The following PCDH11X variants were observed in gnomAD, a reference collection of about 807,000 sequenced individuals.
PCDH11X encodes protocadherin 11 X-linked.
A neutral mutation model predicts 53.3 loss-of-function variants in PCDH11X; 18 were observed. The ratio of observed to expected loss-of-function variants is 0.34; its 90% CI spans 0.23 to 0.50. PCDH11X has a LOEUF of 0.50. PCDH11X is among the 20% of genes least tolerant of loss of function. The pLI, the probability that PCDH11X is intolerant of heterozygous loss-of-function variation, is 0.98. For synonymous variants in PCDH11X, 279 were observed against 393.3 expected (o/e 0.71, Z 3.44); for missense variants, 570 against 1,032.4 (o/e 0.55, Z 6.14).
At chrX:92,004,789 T>C (rs1254970374) in intron 6 of PCDH11X, among the ~76,000 whole-genome samples, 1 of 93,824 alleles carries the variant, frequency 1.1e-5, no homozygotes, top group Non-Finnish European at 2.1e-5. Context: ...TTTTTTTTTT[T>C]TTTTGAGATG....
chrX:92,473,420 T>C (rs2073310711), intron 10 of PCDH11X, among the ~76,000 whole-genome samples: 1 of 112,038 alleles, frequency 8.9e-6, no homozygotes, highest in African/African-American at 3.2e-5. Context: ...CATTGATCTT[T>C]TGTATTGATT....
At position 92,393,790 on chromosome X, in the gene PCDH11X, G is replaced by T. The variant is rs79667772; in HGVS notation, c.3343+5857G>T. On this transcript the variant is annotated intron_variant, in intron 9 of 10. Coordinates refer to ENST00000682573, the MANE Select transcript of PCDH11X (RefSeq NM_032968.5). ...GTTCCACCCAAGAGTTCAGCCATCT[G>T]CCATTGTTTTAGAGAGAATAAGGTA... 2.7e-3 allele frequency among the ~76,000 whole-genome samples: 293 copies of T among 110,456 alleles called. 7 individuals are homozygous for T. In the East Asian group the frequency reaches 0.052, roughly 20 times the overall value.
chrX:92,272,204 C>A (rs1025308767), intron 8 of PCDH11X, among the ~76,000 whole-genome samples: 1 of 111,644 alleles, frequency 9.0e-6, no homozygotes, highest in Non-Finnish European at 1.9e-5. Flanking sequence ...TAAAGTTAGC[C>A]GGGGTTGCTG....
chrX:92,333,466 A>C (rs763502691), intron 8 of PCDH11X, among the ~76,000 whole-genome samples: 1 of 111,669 alleles, frequency 9.0e-6, no homozygotes, highest in South Asian at 3.7e-4. Flanking sequence ...TCAATTTCCC[A>C]AAAATTGCTT....
chrX:91,848,896 T>C (rs1319005116), intron 5 of PCDH11X, among the ~76,000 whole-genome samples: 1 of 111,049 alleles, frequency 9.0e-6, no homozygotes. Flanking sequence ...AATTCAACTA[T>C]GCATATCAGG....
chrX:92,259,564 C>A (rs994657346), intron 7 of PCDH11X, among the ~76,000 whole-genome samples: 17 of 111,704 alleles, frequency 1.5e-4, no homozygotes, highest in Non-Finnish European at 3.0e-4. Flanking sequence ...TTCACAAGAA[C>A]GCCATTTCCA....
chrX:92,428,807 C>G (rs763865632), intron 9 of PCDH11X, among the ~76,000 whole-genome samples: 1 of 111,069 alleles, frequency 9.0e-6, no homozygotes, highest in East Asian at 2.8e-4. Context: ...ATTTCACCAT[C>G]TCTTCAGAGC....
intron 8 of PCDH11X, among the ~76,000 whole-genome samples, chrX:92,354,426 T>C (rs1251113974): frequency 9.2e-6 from 1 of 108,437 alleles, no homozygotes; most frequent in African/African-American, 3.4e-5. Context: ...AGCTTTTGCC[T>C]TGAGTAAATG....
In PCDH11X at chrX:92,559,607, G is replaced by A. The variant is rs555896777; in HGVS notation, c.3368-58657G>A. 8.1e-4 allele frequency among the ~76,000 whole-genome samples: 90 copies of A among 111,558 alleles called. No individual in the cohort carries two copies. The South Asian group carries it at 0.011, about 13-fold the overall frequency. ...GCCACCTCTCCTTCATCTAATAGCAGAGGTCTTGTGGTGCAGAAAGAGAAA... is the reference window on the plus strand; with the variant it reads ...GCCACCTCTCCTTCATCTAATAGCAAAGGTCTTGTGGTGCAGAAAGAGAAA... On this transcript the variant is annotated intron_variant, in intron 10 of 10. Transcript: ENST00000682573.
intron 9 of PCDH11X, among the ~76,000 whole-genome samples, chrX:92,426,859 G>A (rs1314467603): frequency 3.6e-5 from 4 of 110,867 alleles, no homozygotes; most frequent in African/African-American, 1.3e-4. Flanking sequence ...TAGCAATTTA[G>A]ATGCAAAGTA....
chrX:92,067,342 A>T (rs1358559113), intron 6 of PCDH11X, among the ~76,000 whole-genome samples: 3 of 109,515 alleles, frequency 2.7e-5, no homozygotes, highest in Non-Finnish European at 5.7e-5. Flanking sequence ...TTCCTTCTAT[A>T]CCTAGTTTTT....
intron 5 of PCDH11X, among the ~76,000 whole-genome samples, chrX:91,857,153 G>T (rs952129803): frequency 9.0e-6 from 1 of 111,630 alleles, no homozygotes; most frequent in African/African-American, 3.3e-5. Flanking sequence ...GAGGAGAAAG[G>T]CAGGTCTTAC....
At chrX:92,431,416 A>T (rs1300158575) in intron 9 of PCDH11X, among the ~76,000 whole-genome samples, 1 of 110,631 alleles carries the variant, frequency 9.0e-6, no homozygotes, top group Non-Finnish European at 1.9e-5. Context: ...ATTGCACTGG[A>T]GTTTAAGACT....
At chrX:91,804,752 G>A (rs190344280) in intron 1 of PCDH11X, among the ~76,000 whole-genome samples, 154 of 110,816 alleles carry the variant, frequency 1.4e-3, no homozygotes, top group African/African-American at 4.6e-3. Context: ...ATAATAATAG[G>A]CATGTGATAA....
At chrX:91,794,240 A>G (rs1402836643) in intron 1 of PCDH11X, among the ~76,000 whole-genome samples, 1 of 112,173 alleles carries the variant, frequency 8.9e-6, no homozygotes, top group Non-Finnish European at 1.9e-5. Context: ...TGGAGCAGAC[A>G]TTTTTAGCCT....
chrX:92,600,143 G>T (rs1455898070), intron 10 of PCDH11X, among the ~76,000 whole-genome samples: 1 of 105,242 alleles, frequency 9.5e-6, no homozygotes, highest in Non-Finnish European at 1.9e-5. Context: ...AAAATTTGCA[G>T]CCTGATGATG....
intron 7 of PCDH11X, among the ~76,000 whole-genome samples, chrX:92,226,742 G>C (rs1315736199): frequency 9.0e-6 from 1 of 110,692 alleles, no homozygotes; most frequent in Admixed American, 9.7e-5. Context: ...CCAGACGGGA[G>C]GGCAGGAGAA....
chrX:91,893,071 G>T (rs924623531), intron 6 of PCDH11X, among the ~76,000 whole-genome samples: 76 of 109,148 alleles, frequency 7.0e-4, no homozygotes, highest in Non-Finnish European at 1.3e-3. Flanking sequence ...TCAAATCTTA[G>T]CATCAACCTT....
intron 6 of PCDH11X, among the ~76,000 whole-genome samples, chrX:92,074,048 T>C (rs1209507113): frequency 2.7e-5 from 3 of 111,911 alleles, no homozygotes; most frequent in Non-Finnish European, 3.8e-5. Flanking sequence ...CATTCAAAGA[T>C]GCTTTGTTTC....
Sources: gnomAD v4.1 joint callset for allele counts (sites outside exome capture counted in the v4.1 genomes callset) on GRCh38, gnomAD v4.1.1 for gene constraint, MANE v1.5 for transcripts, NCBI Gene and HGNC (gene_info 2026-07-23, HGNC 2026-07-21) for gene names.